FHIT: variants seen among roughly 807,000 people sequenced by gnomAD.
The protein encoded by FHIT is bis(5'-adenosyl)-triphosphatase.
FHIT carries 19 observed loss-of-function variants against 17.9 expected under a neutral mutation model. The ratio of observed to expected loss-of-function variants is 1.06; its 90% CI spans 0.74 to 1.56. FHIT has a LOEUF of 1.56. FHIT is among the 40% of genes most tolerant of loss of function. The probability of loss-of-function intolerance (pLI) is 0.00; values close to 1 mark genes in which losing one functional copy is unlikely to be tolerated. For synonymous variants in FHIT, 81 were observed against 69.7 expected (o/e 1.16, Z -0.81); for missense variants, 248 against 189.2 (o/e 1.31, Z -1.82).
chr3:60,772,365 T>C (rs1003915874), intron 4 of FHIT, among the ~76,000 whole-genome samples: 3 of 145,628 alleles, frequency 2.1e-5, no homozygotes, highest in African/African-American at 7.6e-5. Context: ...TTTGACATCA[T>C]AGAGGCATAA....
chr3:60,515,857 T>C (rs960172465), intron 5 of FHIT, among the ~76,000 whole-genome samples: 1 of 152,222 alleles, frequency 6.6e-6, no homozygotes, highest in African/African-American at 2.4e-5. Context: ...TCCCAGGGCT[T>C]GCTCTTGTAA....
At chr3:59,975,583 T>A (rs555675224) in intron 7 of FHIT, among the ~76,000 whole-genome samples, 6 of 152,152 alleles carry the variant, frequency 3.9e-5, no homozygotes, top group African/African-American at 1.2e-4. Flanking sequence ...GTACAAAGAA[T>A]GCTTCTGCTT....
chr3:60,396,063 G>A (rs1236504753), intron 5 of FHIT, among the ~76,000 whole-genome samples: 1 of 152,072 alleles, frequency 6.6e-6, no homozygotes. Flanking sequence ...CACACTAGCT[G>A]GGGCTGATAC....
At chr3:61,209,433 C>T (rs2039376568) in intron 1 of FHIT, among the ~76,000 whole-genome samples, 1 of 152,208 alleles carries the variant, frequency 6.6e-6, no homozygotes, top group Non-Finnish European at 1.5e-5. Context: ...GTTCCATTCT[C>T]CCCGTCACTT....
At chr3:59,920,541 G>T (rs1040220042) in intron 8 of FHIT, among the ~76,000 whole-genome samples, 1 of 152,144 alleles carries the variant, frequency 6.6e-6, no homozygotes, top group Non-Finnish European at 1.5e-5. Context: ...GGGCTGAAAA[G>T]TAACCATGCA....
intron 5 of FHIT, among the ~76,000 whole-genome samples, chr3:60,477,008 A>G (rs1347771761): frequency 6.6e-6 from 1 of 152,126 alleles, no homozygotes; most frequent in Non-Finnish European, 1.5e-5. Flanking sequence ...ATGTTTAAGT[A>G]CGTATATACA....
intron 3 of FHIT, among the ~76,000 whole-genome samples, chr3:60,858,633 T>C (rs2106947262): frequency 6.6e-6 from 1 of 152,204 alleles, no homozygotes; most frequent in Non-Finnish European, 1.5e-5. Context: ...TAAAAGGAAG[T>C]TTTGGTAAGT....
intron 1 of FHIT, among the ~76,000 whole-genome samples, chr3:61,214,683 A>T (rs1355734701): frequency 6.6e-6 from 1 of 152,208 alleles, no homozygotes; most frequent in Admixed American, 6.5e-5. Context: ...CTGATACCAA[A>T]GCCTGGCAGA....
chr3:61,197,431 A>G (rs1217736266), intron 2 of FHIT, among the ~76,000 whole-genome samples: 2 of 152,160 alleles, frequency 1.3e-5, no homozygotes, highest in African/African-American at 2.4e-5. Context: ...CTGTCATGCT[A>G]TTTATTCACA....
chr3:60,046,905 A>G (rs2106860333), intron 5 of FHIT, among the ~76,000 whole-genome samples: 1 of 152,314 alleles, frequency 6.6e-6, no homozygotes, highest in South Asian at 2.1e-4. Flanking sequence ...TGTCCCTTTT[A>G]CGCATTACAA....
chr3:60,540,909 G>A (rs960475389), intron 4 of FHIT, among the ~76,000 whole-genome samples: 12 of 152,108 alleles, frequency 7.9e-5, no homozygotes, highest in Admixed American at 3.3e-4. Context: ...TCAAGGTGAC[G>A]TCCCTCCACA....
chr3:60,206,321 G>C (rs1703187649), intron 5 of FHIT, among the ~76,000 whole-genome samples: 1 of 151,874 alleles, frequency 6.6e-6, no homozygotes, highest in South Asian at 2.1e-4. Flanking sequence ...GAAAACCATA[G>C]TCCAACACAC....
intron 5 of FHIT, among the ~76,000 whole-genome samples, chr3:60,169,553 A>G (rs1228603225): frequency 6.6e-6 from 1 of 152,250 alleles, no homozygotes; most frequent in Non-Finnish European, 1.5e-5. Flanking sequence ...AACTCCATAG[A>G]GAAACAGAAA....
At chr3:61,219,578 C>T (rs1243372245) in intron 1 of FHIT, among the ~76,000 whole-genome samples, 1 of 152,148 alleles carries the variant, frequency 6.6e-6, no homozygotes, top group African/African-American at 2.4e-5. Context: ...TCCCACTTTC[C>T]TCATGCCTAA....
chr3:60,280,576 A>C (rs528334184), intron 5 of FHIT, among the ~76,000 whole-genome samples: 1 of 152,202 alleles, frequency 6.6e-6, no homozygotes, highest in East Asian at 1.9e-4. Context: ...TCACACCCAC[A>C]CCCACAACCC....
chr3:60,700,834 T>C (rs1553701929), intron 4 of FHIT, among the ~76,000 whole-genome samples: 1 of 152,140 alleles, frequency 6.6e-6, no homozygotes, highest in African/African-American at 2.4e-5. Flanking sequence ...TTGAGCAGAG[T>C]TGCATGTCTC....
chr3:60,512,840 C>A (rs2035001629), intron 5 of FHIT, among the ~76,000 whole-genome samples: 1 of 152,056 alleles, frequency 6.6e-6, no homozygotes, highest in Non-Finnish European at 1.5e-5. Context: ...CATGAATATC[C>A]AAGGGAGTTA....
chr3:61,123,172 T>TA (rs1463103582), intron 2 of FHIT, among the ~76,000 whole-genome samples: 3 of 151,978 alleles, frequency 2.0e-5, no homozygotes, highest in African/African-American at 7.3e-5. Context: ...GATGCAGCCA[T>TA]AAAAAAGGAT....
intron 7 of FHIT, among the ~76,000 whole-genome samples, chr3:59,959,753 G>C (rs1707577214): frequency 6.6e-6 from 1 of 152,164 alleles, no homozygotes; most frequent in African/African-American, 2.4e-5. Context: ...ACATTACTGT[G>C]CAATCACAAA....
Sources: allele counts gnomAD v4.1 joint callset (sites outside exome capture counted in the v4.1 genomes callset), GRCh38; gene constraint gnomAD v4.1.1; transcripts MANE v1.5; gene names NCBI Gene and HGNC (gene_info 2026-07-23, HGNC 2026-07-21).